Variants in CCDC178 observed in about 807,000 individuals in gnomAD.
CCDC178 encodes coiled-coil domain-containing protein 178.
A neutral mutation model predicts 117.4 loss-of-function variants in CCDC178; 126 were observed. That is an observed-to-expected ratio of 1.07 (90% CI 0.93 to 1.24). The LOEUF is 1.24. Ranked by LOEUF, CCDC178 falls within the 50% of genes most tolerant of loss-of-function variation. The pLI, the probability that CCDC178 is intolerant of heterozygous loss-of-function variation, is 0.00. For missense variants in CCDC178, 1,030 were observed against 986.9 expected, an observed-to-expected ratio of 1.04 and a Z score of -0.59; for synonymous variants, 283 against 313.4, an observed-to-expected ratio of 0.90 and a Z score of 1.02.
chr18:33,203,285 G>A (rs1431171719), intron 20 of CCDC178, among the ~76,000 whole-genome samples: 1 of 151,930 alleles, frequency 6.6e-6, no homozygotes, highest in African/African-American at 2.4e-5. Flanking sequence ...CACATATTTT[G>A]CAACTATTTT....
intron 2 of CCDC178, among the ~76,000 whole-genome samples, chr18:33,422,910 C>T (rs1354046913): frequency 6.6e-6 from 1 of 152,090 alleles, no homozygotes; most frequent in Non-Finnish European, 1.5e-5. Context: ...TACTTGTTTC[C>T]ACATTTCAAG....
intron 9 of CCDC178, among the ~76,000 whole-genome samples, chr18:33,341,183 A>T (rs2062812983): frequency 6.7e-6 from 1 of 150,140 alleles, no homozygotes. Context: ...GAGCCTTAAA[A>T]TTTGGCTACC....
At chr18:33,354,629 C>T (rs2063027676) in intron 7 of CCDC178, among the ~76,000 whole-genome samples, 1 of 141,784 alleles carries the variant, frequency 7.1e-6, no homozygotes. Context: ...TTTTTTTTTC[C>T]AGACAGAGTC....
At chr18:33,263,501 T>C (rs1489046526) in intron 14 of CCDC178, among the ~76,000 whole-genome samples, 1 of 152,136 alleles carries the variant, frequency 6.6e-6, no homozygotes, top group African/African-American at 2.4e-5. Context: ...AAAAATCTAT[T>C]ATATCATGCT....
At chr18:33,341,695 T>C (rs752728430) in intron 9 of CCDC178, among the ~76,000 whole-genome samples, 1 of 152,168 alleles carries the variant, frequency 6.6e-6, no homozygotes, top group Non-Finnish European at 1.5e-5. Context: ...CATTTTTCTC[T>C]TGCCACCACC....
At chr18:33,113,757 C>T (rs2057814808) in intron 20 of CCDC178, among the ~76,000 whole-genome samples, 1 of 151,990 alleles carries the variant, frequency 6.6e-6, no homozygotes, top group African/African-American at 2.4e-5. Flanking sequence ...ATATGAGAGG[C>T]TATTGGACTG....
chr18:33,279,622 C>T (rs1045445186), intron 12 of CCDC178, among the ~76,000 whole-genome samples: 1 of 152,064 alleles, frequency 6.6e-6, no homozygotes, highest in Non-Finnish European at 1.5e-5. Context: ...CATATGGAAC[C>T]AAAAAAGAGC....
rs1375787317 is a variant in CCDC178 at position 33,335,027 on chromosome 18, TCTCA to T, written c.659-1637_659-1634del. On this transcript the variant is annotated intron_variant, in intron 9 of 22. Transcript: ENST00000383096. ...TTCCTAATCTGAATCAGTTATACAT[TCTCA>T]CTGTGTTTTTTGTTAATTTTGCCAT... Among the ~76,000 whole-genome samples the T allele has an allele frequency of 3.9e-5, 6 of 152,182 alleles. No individual in the cohort carries two copies. The East Asian group carries it at 5.8e-4, about 15-fold the overall frequency.
intron 12 of CCDC178, among the ~76,000 whole-genome samples, chr18:33,274,916 C>T (rs555890603): frequency 1.2e-4 from 18 of 152,060 alleles, no homozygotes; most frequent in African/African-American, 2.9e-4. Flanking sequence ...TGGATAAGTA[C>T]GATTACTTTA....
intron 20 of CCDC178, among the ~76,000 whole-genome samples, chr18:33,113,414 G>T (rs2057809803): frequency 2.6e-5 from 4 of 151,916 alleles, no homozygotes. Context: ...ATAAGCTGGG[G>T]TTAAAATCTT....
chr18:33,216,917 G>A (rs534781844), intron 18 of CCDC178, among the ~76,000 whole-genome samples: 2 of 152,168 alleles, frequency 1.3e-5, no homozygotes, highest in South Asian at 4.1e-4. Flanking sequence ...ACAGGTGTGA[G>A]TATGGACACT....
intron 20 of CCDC178, among the ~76,000 whole-genome samples, chr18:33,096,515 C>G (rs1363044993): frequency 6.6e-6 from 1 of 151,684 alleles, no homozygotes; most frequent in African/African-American, 2.4e-5. Flanking sequence ...TAAATAACAA[C>G]TGAGACTTAC....
chr18:33,086,100 T>C (rs764055604), intron 21 of CCDC178, among the ~76,000 whole-genome samples: 30 of 151,836 alleles, frequency 2.0e-4, no homozygotes, highest in Non-Finnish European at 4.1e-4. Flanking sequence ...TATACAAAAA[T>C]ATTTACTTGT....
intron 12 of CCDC178, among the ~76,000 whole-genome samples, chr18:33,284,148 A>C (rs1210199294): frequency 6.6e-6 from 1 of 150,392 alleles, no homozygotes; most frequent in Admixed American, 6.6e-5. Flanking sequence ...GCAAACTAAC[A>C]CAGGAACAGA....
At chr18:33,394,943 G>GTGTATATATATATATA (rs1222110972) in intron 4 of CCDC178, among the ~76,000 whole-genome samples, 1 of 61,498 alleles carries the variant, frequency 1.6e-5, no homozygotes, top group African/African-American at 6.0e-5. Flanking sequence ...ATATGTATGT[G>GTGTATATATATATATA]TATATATATA....
intron 20 of CCDC178, among the ~76,000 whole-genome samples, chr18:33,192,580 A>C (rs1333226540): frequency 6.6e-6 from 1 of 152,216 alleles, no homozygotes; most frequent in African/African-American, 2.4e-5. Flanking sequence ...TTCCAACAGA[A>C]AATTGTAATA....
At chr18:33,051,746 C>T (rs1169214654) in intron 21 of CCDC178, among the ~76,000 whole-genome samples, 1 of 152,170 alleles carries the variant, frequency 6.6e-6, no homozygotes, top group Non-Finnish European at 1.5e-5. Flanking sequence ...ACTGCTGACT[C>T]TGGTCAGCAA....
intron 8 of CCDC178, 68 bp from the exon 9 acceptor site, chr18:33,346,479 G>A: frequency 1.2e-6 from 1 of 815,532 alleles, no homozygotes; most frequent in South Asian, 2.2e-5. Flanking sequence ...GGGAACATGG[G>A]CCTTAGTTGT....
At chr18:33,057,794 C>T (rs1301907990) in intron 21 of CCDC178, among the ~76,000 whole-genome samples, 3 of 152,022 alleles carry the variant, frequency 2.0e-5, no homozygotes, top group African/African-American at 7.2e-5. Context: ...ACGTCCAGCC[C>T]AACTGAAATT....
Sources: gnomAD v4.1 joint callset for allele counts (sites outside exome capture counted in the v4.1 genomes callset) on GRCh38, gnomAD v4.1.1 for gene constraint, MANE v1.5 for transcripts, NCBI Gene and HGNC (gene_info 2026-07-23, HGNC 2026-07-21) for gene names.